The following SH3GL2 variants were observed in gnomAD, a reference collection of about 807,000 sequenced individuals.
The protein encoded by SH3GL2 is endophilin-A1.
A neutral mutation model predicts 46.0 loss-of-function variants in SH3GL2; 24 were observed. That is an observed-to-expected ratio of 0.52 (90% CI 0.38 to 0.73). The LOEUF is 0.73. SH3GL2 is among the 30% of genes least tolerant of loss of function. SH3GL2 has a pLI of 0.00. For synonymous variants in SH3GL2, 196 were observed against 147.1 expected (o/e 1.33, Z -2.40); for missense variants, 413 against 424.2 (o/e 0.97, Z 0.23).
rs985609030 is a variant in SH3GL2, at chr9:17,713,066, G to A, written c.46-34000G>A. Among the ~76,000 whole-genome samples, 5 of 150,512 alleles carry A rather than the reference G, an allele frequency of 3.3e-5. No homozygotes were observed. The East Asian group carries it at 9.7e-4, about 29-fold the overall frequency. On this transcript the variant is annotated intron_variant, in intron 1 of 8. Coordinates refer to ENST00000380607, the MANE Select transcript of SH3GL2 (RefSeq NM_003026.5). ...AAGGGCATTCCTTTCCCTTCTTAGT[G>A]TGCTGGGTTTTTTTTTTTAAATCAA... is the stretch of plus-strand genomic sequence containing the variant.
chr9:17,581,401 T>C (rs948270018), intron 1 of SH3GL2, among the ~76,000 whole-genome samples: 4 of 152,184 alleles, frequency 2.6e-5, no homozygotes, highest in African/African-American at 9.7e-5. Flanking sequence ...GCCTTTTATT[T>C]GAAAGGTGAA....
intron 2 of SH3GL2, among the ~76,000 whole-genome samples, chr9:17,750,211 C>T (rs530878335): frequency 6.6e-6 from 1 of 152,070 alleles, no homozygotes; most frequent in South Asian, 2.1e-4. Flanking sequence ...AATGTTTGAG[C>T]TCAGTGTTCC....
chr9:17,723,633 C>T (rs1414126492), intron 1 of SH3GL2, among the ~76,000 whole-genome samples: 2 of 152,114 alleles, frequency 1.3e-5, no homozygotes, highest in Non-Finnish European at 2.9e-5. Flanking sequence ...TTTTGACAAA[C>T]AACATCTTTT....
intron 1 of SH3GL2, among the ~76,000 whole-genome samples, chr9:17,664,679 G>C: frequency 6.6e-6 from 1 of 151,314 alleles, no homozygotes; most frequent in South Asian, 2.1e-4. Flanking sequence ...ATATATAGAA[G>C]TATATAGAAA....
rs1410580646 is a variant in SH3GL2, at chr9:17,796,404, A to T, written c.*661A>T. ...GAGCGGTAATTCCAAATTATTTTTC[A>T]GTAAGACAGTTAATCAGCATTATTG... On this transcript the variant is annotated 3_prime_UTR_variant, in exon 9 of 9. Coordinates refer to ENST00000380607, the MANE Select transcript of SH3GL2 (RefSeq NM_003026.5). 6.6e-6 allele frequency: 1 copy of T among 152,390 alleles called. No homozygotes were observed. The highest frequency in any genetic ancestry group is 1.5e-5 in the Non-Finnish European group (1 of 68,046). The allele number at this position is 152,390 out of a possible 1,614,324, so 9.4% of individuals were successfully genotyped here.
chr9:17,615,630 G>A (rs1292032426), intron 1 of SH3GL2, among the ~76,000 whole-genome samples: 17 of 140,644 alleles, frequency 1.2e-4, no homozygotes, highest in Middle Eastern at 7.8e-3. Flanking sequence ...ACTCCAGCCC[G>A]GGTGACCGAC....
intron 1 of SH3GL2, 126 bp downstream of exon 1, chr9:17,579,413 C>G: frequency 2.1e-6 from 1 of 471,008 alleles, no homozygotes; most frequent in African/African-American, 2.0e-5. Flanking sequence ...CCGGCCGCGC[C>G]CCGCCTCGCA....
chr9:17,603,677 A>G (rs1366078838), intron 1 of SH3GL2, among the ~76,000 whole-genome samples: 3 of 152,146 alleles, frequency 2.0e-5, no homozygotes, highest in Non-Finnish European at 4.4e-5. Flanking sequence ...CCTGGCCAAC[A>G]TGGAGAAACC....
At chr9:17,579,363 G>A (rs907558052) in intron 1 of SH3GL2, 76 bp downstream of exon 1, 9 of 1,084,006 alleles carry the variant, frequency 8.3e-6, no homozygotes, top group Middle Eastern at 4.5e-4. Flanking sequence ...CTGGCCGTCC[G>A]GCGGCAGCTT....
At chr9:17,582,399 T>C (rs912186099) in intron 1 of SH3GL2, among the ~76,000 whole-genome samples, 1 of 152,238 alleles carries the variant, frequency 6.6e-6, no homozygotes, top group African/African-American at 2.4e-5. Context: ...GATGATCTTG[T>C]GTTGCTCTTT....
chr9:17,593,726 C>G (rs1420373498), intron 1 of SH3GL2, among the ~76,000 whole-genome samples: 4 of 152,162 alleles, frequency 2.6e-5, no homozygotes, highest in African/African-American at 9.7e-5. Flanking sequence ...ACTGAGTCAT[C>G]TGTTCTGTGC....
At chr9:17,775,499 ATTATAG>A (rs1489528307) in intron 3 of SH3GL2, among the ~76,000 whole-genome samples, 2 of 152,278 alleles carry the variant, frequency 1.3e-5, no homozygotes, top group Admixed American at 6.5e-5. Flanking sequence ...AACTTCTGAA[ATTATAG>A]TTATAGGATG....
At chr9:17,666,070 A>G (rs530093085) in intron 1 of SH3GL2, among the ~76,000 whole-genome samples, 14 of 151,830 alleles carry the variant, frequency 9.2e-5, no homozygotes, top group African/African-American at 3.1e-4. Context: ...AAAAATATTT[A>G]AAATTTCTAC....
chr9:17,678,835 C>T (rs922595553), intron 1 of SH3GL2, among the ~76,000 whole-genome samples: 59 of 152,232 alleles, frequency 3.9e-4, no homozygotes, highest in Admixed American at 5.9e-4. Flanking sequence ...GATCTAGTTT[C>T]GGCTTTCTCC....
chr9:17,769,937 T>C (rs2131163185), intron 3 of SH3GL2, among the ~76,000 whole-genome samples: 1 of 152,330 alleles, frequency 6.6e-6, no homozygotes, highest in Middle Eastern at 3.4e-3. Flanking sequence ...ATGTCTCTTT[T>C]ACTCCTTTAT....
intron 1 of SH3GL2, among the ~76,000 whole-genome samples, chr9:17,624,754 G>T (rs1819242071): frequency 6.6e-6 from 1 of 152,138 alleles, no homozygotes; most frequent in African/African-American, 2.4e-5. Flanking sequence ...TCTAGCCCTG[G>T]AGCCATCTGT....
At position 17,589,348 on chromosome 9, in the gene SH3GL2, A is replaced by AT. The variant is rs1172338777; in HGVS notation, c.45+10067dup. 6 of 151,830 alleles carry AT rather than the reference A, an allele frequency of 4.0e-5. No individual in the cohort carries two copies. The East Asian group carries it at 1.2e-3, about 29-fold the overall frequency. The allele number at this position is 151,830 out of a possible 1,614,324, so 9.4% of individuals were successfully genotyped here. ...CCTGGCCCATGTGCCTTTTTAATAT[A>AT]TTTTTTATTTTATAGATTTTTTTCT... On this transcript the variant is annotated intron_variant, in intron 1 of 8. Coordinates refer to ENST00000380607, the MANE Select transcript of SH3GL2 (RefSeq NM_003026.5).
chr9:17,782,871 C>T (rs575733916), intron 3 of SH3GL2, among the ~76,000 whole-genome samples: 8 of 152,266 alleles, frequency 5.3e-5, no homozygotes, highest in Admixed American at 3.3e-4. Flanking sequence ...CTCTAACGCA[C>T]GCCAGCCTTC....
intron 1 of SH3GL2, among the ~76,000 whole-genome samples, chr9:17,730,980 T>G (rs1229928512): frequency 6.6e-6 from 1 of 152,154 alleles, no homozygotes; most frequent in African/African-American, 2.4e-5. Flanking sequence ...ATTAGCAGAT[T>G]TGGGACTTGA....
Sources: allele counts gnomAD v4.1 joint callset (sites outside exome capture counted in the v4.1 genomes callset), GRCh38; gene constraint gnomAD v4.1.1; transcripts MANE v1.5; gene names NCBI Gene and HGNC (gene_info 2026-07-23, HGNC 2026-07-21).